The following ADCY4 variants were observed in gnomAD, a reference collection of about 807,000 sequenced individuals.
The protein encoded by ADCY4 is adenylate cyclase 4, also known as adenylate cyclase type 4.
In ADCY4, 111 loss-of-function variants were observed where a neutral mutation model predicts 125.5. That is an observed-to-expected ratio of 0.88 (90% CI 0.76 to 1.04). The LOEUF (loss-of-function observed/expected upper bound fraction) is 1.04, where lower values mean the gene tolerates loss of function less well. Among genes scored for constraint, ADCY4 ranks in the 50% least tolerant of loss-of-function variants. ADCY4 has a pLI of 0.00. For missense variants in ADCY4, 1,256 were observed against 1,382.9 expected, an observed-to-expected ratio of 0.91 and a Z score of 1.46; for synonymous variants, 576 against 586.9, an observed-to-expected ratio of 0.98 and a Z score of 0.27.
intron 14 of ADCY4, 88 bp from the exon 15 acceptor site, chr14:24,324,479 G>A (rs2041909428): frequency 6.9e-7 from 1 of 1,447,416 alleles, no homozygotes. Context: ...GTGGGAGATA[G>A]GGGAAGTGGT....
intron 19 of ADCY4, 43 bp from the exon 20 acceptor site, chr14:24,322,267 G>C (rs747539996): frequency 6.3e-7 from 1 of 1,580,420 alleles, no homozygotes; most frequent in Non-Finnish European, 8.6e-7. Context: ...ACAGAGCAGG[G>C]GAAGCCCAGC....
At chr14:24,333,592 A>T (rs747695116) in intron 1 of ADCY4, among the ~76,000 whole-genome samples, 1 of 152,042 alleles carries the variant, frequency 6.6e-6, no homozygotes, top group Non-Finnish European at 1.5e-5. Flanking sequence ...CCCATCCCCT[A>T]TTTGTTTCTG....
chr14:24,326,129 G>A lies in ADCY4; in HGVS notation c.1605C>T (p.Asp535=). 1 of 1,592,112 alleles carries A rather than the reference G, an allele frequency of 6.3e-7. No homozygotes were observed. The highest frequency in any genetic ancestry group is 8.6e-7 in the Non-Finnish European group (1 of 1,166,790). ...CCTGGAAGAACTTGGCATCCCCGGTGTCCAGTTCATCATCTAGTCCCCGGG... is the reference window on the plus strand; with the variant it reads ...CCTGGAAGAACTTGGCATCCCCGGTATCCAGTTCATCATCTAGTCCCCGGG... ...RTPRGLDDEL[D]TGDAKFFQVI... Residue 535 remains aspartate, a synonymous_variant, in exon 12 of 25, where the codon GAC becomes GAT. Coordinates refer to ENST00000418030, the MANE Select transcript of ADCY4 (RefSeq NM_001198568.2).
chr14:24,329,594 C>T, intron 8 of ADCY4, 61 bp from the exon 9 acceptor site: 8 of 1,496,066 alleles, frequency 5.3e-6, no homozygotes, highest in Non-Finnish European at 7.1e-6. Context: ...TATTTCCTGC[C>T]CCATCACCCC....
intron 8 of ADCY4, 42 bp downstream of exon 8, chr14:24,329,818 G>C (rs1109152): frequency 0.25 from 390,962 of 1,592,580 alleles, 50,880 homozygotes; most frequent in Admixed American, 0.4. Context: ...TGGTAGGCCT[G>C]GTTGGCCTTC....
intron 1 of ADCY4, 100 bp from the exon 2 acceptor site, chr14:24,333,088 GGT>G (rs2042072600): frequency 8.1e-7 from 1 of 1,232,714 alleles, no homozygotes; most frequent in Admixed American, 3.2e-5. Context: ...AGTTCTGAAA[GGT>G]GTCTCAAGCC....
intron 12 of ADCY4, 46 bp from the exon 13 acceptor site, chr14:24,325,933 G>C: frequency 6.3e-7 from 1 of 1,576,884 alleles, no homozygotes; most frequent in Non-Finnish European, 8.6e-7. Flanking sequence ...AGAACAGAGG[G>C]CACAGAAGGG....
chr14:24,331,602 T>G, intron 4 of ADCY4, 186 bp downstream of exon 4: 1 of 1,039,672 alleles, frequency 9.6e-7, no homozygotes, highest in South Asian at 1.8e-5. Context: ...TAAAGTGCTT[T>G]TTATAAGCTT....
At position 24,331,470 on chromosome 14, in the gene ADCY4, C is replaced by A. The variant is rs376499863; in HGVS notation, c.670-114G>T. 118 of 1,416,254 alleles carry A rather than the reference C, an allele frequency of 8.3e-5. No homozygotes were observed. In the African/African-American group the frequency reaches 1.4e-3, roughly 17 times the overall value. 87.7% of individuals were successfully genotyped at this position (1,416,254 alleles called of 1,614,324 possible). On this transcript the variant is annotated intron_variant, in intron 4 of 24. Transcript: ENST00000418030. Reference sequence around the variant, plus strand: ...CATCCTAGGTGCTCCCCAGGGTGCTCCCCCAGGTCCTCCCGCTGCACACAG... The same window carrying A: ...CATCCTAGGTGCTCCCCAGGGTGCTACCCCAGGTCCTCCCGCTGCACACAG...
At chr14:24,321,307 G>A (rs1365214118) in intron 20 of ADCY4, among the ~76,000 whole-genome samples, 1 of 151,682 alleles carries the variant, frequency 6.6e-6, no homozygotes, top group Non-Finnish European at 1.5e-5. Context: ...TGTAATCCCA[G>A]CTACCTGGGA....
chr14:24,332,026 A>G, intron 3 of ADCY4, 89 bp from the exon 4 acceptor site: 2 of 1,391,866 alleles, frequency 1.4e-6, no homozygotes, highest in Non-Finnish European at 1.9e-6. Context: ...GCTGGGGAAG[A>G]CTGGGCTTTA....
chr14:24,323,126 C>T (rs1279270626), intron 17 of ADCY4, 38 bp from the exon 18 acceptor site: 1 of 1,602,632 alleles, frequency 6.2e-7, no homozygotes, highest in Admixed American at 1.7e-5. Flanking sequence ...GGGCATGTCC[C>T]ATAGGCAGAG....
At position 24,320,007 on chromosome 14, in the gene ADCY4, G is replaced by A. The variant is rs142744683; in HGVS notation, c.2587-119C>T. 4.8e-4 allele frequency: 609 copies of A among 1,273,632 alleles called. 5 individuals carry two copies. The East Asian group carries it at 0.012, about 26-fold the overall frequency. The allele number at this position is 1,273,632 out of a possible 1,614,324, so 78.9% of individuals were successfully genotyped here. ...CTGGTCTCCCTGTTTAAGAAGAATTGGGAAGGAGGGAGAGGAGTAGGGCCA... is the reference window on the plus strand; with the variant it reads ...CTGGTCTCCCTGTTTAAGAAGAATTAGGAAGGAGGGAGAGGAGTAGGGCCA... On this transcript the variant is annotated intron_variant, in intron 20 of 24. Transcript: ENST00000418030.
At chr14:24,328,989 T>A in intron 10 of ADCY4, 72 bp downstream of exon 10, 3 of 1,540,120 alleles carry the variant, frequency 1.9e-6, no homozygotes, top group South Asian at 2.4e-5. Context: ...CAGGGAAGGC[T>A]GCCAGTGGGG....
At position 24,319,078 on chromosome 14, in the gene ADCY4, C is replaced by G; in HGVS notation, c.2956+20G>C. On this transcript the variant is annotated intron_variant, in intron 23 of 24. Coordinates refer to ENST00000418030, the MANE Select transcript of ADCY4 (RefSeq NM_001198568.2). This position sits in a 1 kb window ranked among gnomAD's most constrained non-coding sequence, Gnocchi z 4.5. ...AAGGTGAGGAGGTACCAGACTGCTG[C>G]AGCAGGGGAAGTCTCTCACCCACTC... is the stretch of plus-strand genomic sequence containing the variant. 1 of 1,612,706 alleles carries G rather than the reference C, an allele frequency of 6.2e-7. No individual in the cohort carries two copies. Among genetic ancestry groups the G allele is most frequent in the East Asian group, 2.2e-5 (1 of 44,868 alleles).
chr14:24,334,845 T>G lies in ADCY4; in HGVS notation c.-193A>C, dbSNP rs1307846932. 1 of 576,156 alleles carries G rather than the reference T, an allele frequency of 1.7e-6. No homozygotes were observed. The highest frequency in any genetic ancestry group is 3.2e-5 in the Admixed American group (1 of 30,894). 35.7% of individuals were successfully genotyped at this position (576,156 alleles called of 1,614,324 possible). A position where few individuals can be genotyped will look rare whatever the true frequency, so the allele number is the denominator to read the frequency against. ...CTCCCAGCCCGCTCCCAGCTGGCGA[T>G]GAGGGGATCCCTCAGTCCTTTCCTC... is the stretch of plus-strand genomic sequence containing the variant. On this transcript the variant is annotated 5_prime_UTR_variant, in exon 1 of 25. Coordinates refer to ENST00000418030, the MANE Select transcript of ADCY4 (RefSeq NM_001198568.2).
At position 24,329,846 on chromosome 14, in the gene ADCY4, G is replaced by T. The variant is rs199567568; in HGVS notation, c.1217+14C>A. 36 of 1,610,366 alleles carry T rather than the reference G, an allele frequency of 2.2e-5. No individual in the cohort carries two copies. The African/African-American group carries it at 3.3e-4, about 15-fold the overall frequency. ...TGGCCTTCTGCTGTAGCTGCCTAGG[G>T]CCCTAGGTCTCACCCTGGTACACCG... On this transcript the variant is annotated intron_variant, in intron 8 of 24. Transcript: ENST00000418030.
At chr14:24,320,927 C>T (rs1037608394) in intron 20 of ADCY4, among the ~76,000 whole-genome samples, 1 of 152,050 alleles carries the variant, frequency 6.6e-6, no homozygotes, top group Non-Finnish European at 1.5e-5. Context: ...GGACTGTATC[C>T]TCTAGACCAG....
chr14:24,333,259 C>T (rs2042076892), intron 1 of ADCY4, among the ~76,000 whole-genome samples: 1 of 152,148 alleles, frequency 6.6e-6, no homozygotes, highest in South Asian at 2.1e-4. Flanking sequence ...CTTGCTCTGT[C>T]GCCCAGGCTG....
Sources: gnomAD v4.1 joint callset for allele counts (sites outside exome capture counted in the v4.1 genomes callset) on GRCh38, gnomAD v4.1.1 for gene constraint, Gnocchi (gnomAD v3.1) non-coding constraint, MANE v1.5 for transcripts, NCBI Gene and HGNC (gene_info 2026-07-23, HGNC 2026-07-21) for gene names.